SRRM3: variants seen among roughly 807,000 people sequenced by gnomAD.
SRRM3 encodes serine/arginine repetitive matrix protein 3.
In SRRM3, 27 loss-of-function variants were observed where a neutral mutation model predicts 66.2. The observed-to-expected ratio is 0.41, with a 90% CI of 0.30 to 0.56. SRRM3 has a LOEUF of 0.56. Ranked by LOEUF, SRRM3 falls within the 20% of genes least tolerant of loss-of-function variation. The probability of loss-of-function intolerance (pLI) is 0.32; values close to 1 mark genes in which losing one functional copy is unlikely to be tolerated. For synonymous variants in SRRM3, 391 were observed against 414.9 expected, an observed-to-expected ratio of 0.94 and a Z score of 0.70; for missense variants, 918 against 991.9, an observed-to-expected ratio of 0.93 and a Z score of 1.00.
At chr7:76,210,657 C>T (rs1317100663) in intron 1 of SRRM3, among the ~76,000 whole-genome samples, 1 of 152,102 alleles carries the variant, frequency 6.6e-6, no homozygotes, top group African/African-American at 2.4e-5. Flanking sequence ...ATGAGGATTG[C>T]TTGAGTCCAG....
Position 76,265,277 on chromosome 7 carries a change from C to A in SRRM3, c.726-87C>A, listed in dbSNP as rs1475369546. 5 of 899,558 alleles carry A rather than the reference C, an allele frequency of 5.6e-6. 1 individual carries two copies. The highest frequency in any genetic ancestry group is 3.6e-5 in the South Asian group (2 of 56,184). 55.7% of individuals were successfully genotyped at this position (899,558 alleles called of 1,614,324 possible). ...GCTTTCAGTAGGGTTCCACTGGGAT[C>A]CTGGTGGGAGGCTGGGCAACTTGGG... is the stretch of plus-strand genomic sequence containing the variant. On this transcript the variant is annotated intron_variant, in intron 9 of 14. Coordinates refer to ENST00000611745, the MANE Select transcript of SRRM3 (RefSeq NM_001110199.3).
intron 11 of SRRM3, among the ~76,000 whole-genome samples, chr7:76,279,440 G>T (rs551673879): frequency 6.6e-6 from 1 of 151,606 alleles, no homozygotes; most frequent in Non-Finnish European, 1.5e-5. Context: ...GGTGCTAAAA[G>T]TCAAGTTGGT....
chr7:76,262,875 A>AAGGAG (rs1333446958), intron 8 of SRRM3, among the ~76,000 whole-genome samples: 17 of 151,992 alleles, frequency 1.1e-4, no homozygotes, highest in Non-Finnish European at 5.9e-5. Context: ...GGAAAAGGGA[A>AAGGAG]AGGAGAGGAG....
At chr7:76,248,839 G>A (rs1240403436) in intron 3 of SRRM3, among the ~76,000 whole-genome samples, 1 of 152,042 alleles carries the variant, frequency 6.6e-6, no homozygotes, top group Non-Finnish European at 1.5e-5. Flanking sequence ...AGTTATCCGG[G>A]CATAGTGGCA....
intron 1 of SRRM3, among the ~76,000 whole-genome samples, chr7:76,220,608 G>A (rs1166738442): frequency 1.3e-5 from 2 of 152,184 alleles, no homozygotes; most frequent in East Asian, 1.9e-4. Context: ...AGACTGAGAC[G>A]GCAGGGAAAG....
chr7:76,264,586 T>A (rs1554609209), intron 8 of SRRM3, among the ~76,000 whole-genome samples, 179 bp from the exon 9 acceptor site: 1 of 152,092 alleles, frequency 6.6e-6, no homozygotes, highest in African/African-American at 2.4e-5. Flanking sequence ...GGCCGGAGCT[T>A]TGGCTGAGTG....
At chr7:76,242,111 C>T (rs923992447) in intron 2 of SRRM3, among the ~76,000 whole-genome samples, 2 of 152,172 alleles carry the variant, frequency 1.3e-5, no homozygotes, top group Admixed American at 6.5e-5. Context: ...CCCCAGACTC[C>T]TTAAAACAAT....
intron 1 of SRRM3, among the ~76,000 whole-genome samples, chr7:76,234,240 G>T (rs1330367792): frequency 7.0e-6 from 1 of 143,656 alleles, no homozygotes; most frequent in African/African-American, 2.8e-5. Context: ...CTACTTTGGA[G>T]GGCCTAGCAT....
chr7:76,217,446 G>A (rs1184304671), intron 1 of SRRM3, among the ~76,000 whole-genome samples: 3 of 152,004 alleles, frequency 2.0e-5, no homozygotes, highest in South Asian at 4.1e-4. Context: ...CACCACACCC[G>A]GCTAAGTTTT....
rs964652958 is a variant in SRRM3, at chr7:76,285,087, G to A, written c.1734-528G>A. On this transcript the variant is annotated intron_variant, in intron 14 of 14. Transcript: ENST00000611745. The surrounding 1 kb of genome is among the most constrained non-coding windows in gnomAD (Gnocchi z 4.1). ...TTCAACAAGTTTTTTTTTTTGAGAC[G>A]GAGTCTCACTCTGTCACCCAGGCTG... Among the ~76,000 whole-genome samples, 5 of 151,168 alleles carry A rather than the reference G, an allele frequency of 3.3e-5. No individual in the cohort carries two copies. The highest frequency in any genetic ancestry group is 7.4e-5 in the Non-Finnish European group (5 of 67,858).
At chr7:76,280,825 C>A (rs1414172536) in intron 11 of SRRM3, among the ~76,000 whole-genome samples, 2 of 142,314 alleles carry the variant, frequency 1.4e-5, no homozygotes, top group Non-Finnish European at 1.5e-5. Context: ...CCTCTCTCTG[C>A]CCCCACTCTT....
chr7:76,234,878 C>G (rs1554604600), intron 1 of SRRM3, 150 bp from the exon 2 acceptor site: 17 of 588,088 alleles, frequency 2.9e-5, no homozygotes, highest in Non-Finnish European at 5.0e-5. Flanking sequence ...AAGGTGCAAA[C>G]CAGCCGTCCG....
rs1229141110 is a variant in SRRM3, at chr7:76,281,551, A to G, written c.1119A>G (p.Gln373=). The G allele has an allele frequency of 2.6e-4, 281 of 1,095,000 alleles. No individual in the cohort carries two copies. In the African/African-American group the frequency reaches 4.5e-3, roughly 18 times the overall value. 67.8% of individuals were successfully genotyped at this position (1,095,000 alleles called of 1,614,324 possible). ...SPSPRSAPSS[Q]GRGGRAAGGA... is the part of the protein sequence containing the mutation. ...GCCCGCGCTCGGCGCCGTCGTCCCA[A>G]GGTCGCGGAGGCCGCGCGGCGGGCG... The change falls in exon 12 of 15, where the codon CAA becomes CAG. Residue 373 remains glutamine (Q), a synonymous_variant. Coordinates refer to ENST00000611745, the MANE Select transcript of SRRM3 (RefSeq NM_001110199.3).
intron 6 of SRRM3, 33 bp downstream of exon 6, chr7:76,260,936 C>CT: frequency 6.4e-7 from 1 of 1,552,062 alleles, no homozygotes; most frequent in East Asian, 2.4e-5. Context: ...GGGGCCAGGG[C>CT]GGGGGATGTC....
At chr7:76,269,321 G>C (rs1283219754) in intron 11 of SRRM3, 1 of 152,134 alleles carries the variant, frequency 6.6e-6, no homozygotes, top group East Asian at 1.9e-4. Flanking sequence ...TTGGGGCCCT[G>C]GGAGATCTGG....
chr7:76,206,658 C>G (rs781807908), intron 1 of SRRM3, among the ~76,000 whole-genome samples: 7 of 152,194 alleles, frequency 4.6e-5, no homozygotes, highest in Admixed American at 2.0e-4. Flanking sequence ...GTTCAGGCTG[C>G]CTCACTGACT....
intron 1 of SRRM3, among the ~76,000 whole-genome samples, chr7:76,224,638 G>T (rs759572601): frequency 7.2e-5 from 11 of 152,094 alleles, no homozygotes; most frequent in Non-Finnish European, 1.3e-4. Flanking sequence ...CTCACAAGAG[G>T]GTATTAGCTA....
At chr7:76,211,181 G>A (rs567550464) in intron 1 of SRRM3, among the ~76,000 whole-genome samples, 1 of 152,210 alleles carries the variant, frequency 6.6e-6, no homozygotes, top group Non-Finnish European at 1.5e-5. Context: ...ACCGGTGTGG[G>A]GAAGGACTCC....
At chr7:76,245,108 A>C (rs1311042691) in intron 2 of SRRM3, among the ~76,000 whole-genome samples, 4 of 152,266 alleles carry the variant, frequency 2.6e-5, no homozygotes, top group Non-Finnish European at 5.9e-5. Flanking sequence ...GGAGGCATCC[A>C]TCTTACTGTA....
Sources: gnomAD v4.1 joint callset for allele counts (sites outside exome capture counted in the v4.1 genomes callset) on GRCh38, gnomAD v4.1.1 for gene constraint, Gnocchi (gnomAD v3.1) non-coding constraint, MANE v1.5 for transcripts, NCBI Gene and HGNC (gene_info 2026-07-23, HGNC 2026-07-21) for gene names.